The following GRM1 variants were observed in gnomAD, a reference collection of about 807,000 sequenced individuals.
GRM1 encodes the protein metabotropic glutamate receptor 1.
In GRM1, 33 loss-of-function variants were observed where a neutral mutation model predicts 90.9. The observed-to-expected ratio is 0.36, with a 90% CI of 0.28 to 0.49. The LOEUF (loss-of-function observed/expected upper bound fraction) is 0.49. Ranked by LOEUF, GRM1 falls within the 20% of genes least tolerant of loss-of-function variation. The probability of loss-of-function intolerance (pLI) is 0.99; values close to 1 mark genes in which losing one functional copy is unlikely to be tolerated. For synonymous variants in GRM1, 700 were observed against 613.2 expected, an observed-to-expected ratio of 1.14 and a Z score of -2.09; for missense variants, 1,190 against 1,534.3, an observed-to-expected ratio of 0.78 and a Z score of 3.75.
At chr6:146,431,745 T>C (rs1778416691) in intron 7 of GRM1, among the ~76,000 whole-genome samples, 1 of 152,104 alleles carries the variant, frequency 6.6e-6, no homozygotes. Flanking sequence ...TTCATTGCAA[T>C]TTAAAATGAT....
Position 146,434,129 on chromosome 6 carries a change from G to T in GRM1, c.2918G>T (p.Ser973Ile). Residue 973 changes from serine (S) to isoleucine (I), a missense_variant, in exon 8 of 8, where the codon AGC (serine) becomes ATC (isoleucine). Ser to Ile is a moderately radical substitution (Grantham distance 142). Transcript: ENST00000282753. ...CCGATTCGCTTTAGCCCGCCTGGTA[G>T]CCCTTCCATGGTGGTGCACAGGCGC... ...AQPIRFSPPGSPSMVVHRRVP... is the reference protein window; with the variant it reads ...AQPIRFSPPGIPSMVVHRRVP... 2 of 1,614,152 alleles carry T rather than the reference G, an allele frequency of 1.2e-6. No homozygotes were observed. The highest frequency in any genetic ancestry group is 3.3e-5 in the Admixed American group (2 of 60,032).
chr6:146,419,141 T>C (rs576131018), intron 7 of GRM1, among the ~76,000 whole-genome samples: 1 of 152,278 alleles, frequency 6.6e-6, no homozygotes, highest in South Asian at 2.1e-4. Context: ...AGGAAACATA[T>C]GCAAGATTCC....
At chr6:146,360,708 A>G (rs904881550) in intron 5 of GRM1, among the ~76,000 whole-genome samples, 2 of 152,184 alleles carry the variant, frequency 1.3e-5, no homozygotes, top group African/African-American at 4.8e-5. Context: ...ACAGCTGGCA[A>G]GAGATCCTGG....
At chr6:146,165,333 C>T (rs531624473) in intron 2 of GRM1, among the ~76,000 whole-genome samples, 5 of 152,050 alleles carry the variant, frequency 3.3e-5, no homozygotes, top group Non-Finnish European at 7.4e-5. Context: ...TTATATACCA[C>T]GGTGTTATGT....
At chr6:146,380,595 A>C (rs1195644786) in intron 5 of GRM1, among the ~76,000 whole-genome samples, 1 of 152,074 alleles carries the variant, frequency 6.6e-6, no homozygotes, top group East Asian at 1.9e-4. Flanking sequence ...GAGTCAAGCT[A>C]TGGAATCAAG....
chr6:146,105,805 AC>A (rs1213784605), intron 1 of GRM1, among the ~76,000 whole-genome samples: 3 of 152,122 alleles, frequency 2.0e-5, no homozygotes, highest in Admixed American at 6.5e-5. Context: ...ATAACAGGAG[AC>A]CTTTAAGGTA....
At chr6:146,324,600 G>C (rs1784334850) in intron 3 of GRM1, among the ~76,000 whole-genome samples, 1 of 152,164 alleles carries the variant, frequency 6.6e-6, no homozygotes, top group Non-Finnish European at 1.5e-5. Context: ...AAAGACAGCA[G>C]GAAAAGTGTA....
intron 2 of GRM1, among the ~76,000 whole-genome samples, chr6:146,193,950 AT>A (rs572270783): frequency 9.7e-4 from 143 of 147,232 alleles, no homozygotes; most frequent in Non-Finnish European, 1.1e-3. Flanking sequence ...ATACTGCCAG[AT>A]TTTTTTTTTT....
chr6:146,432,122 C>T (rs907689878), intron 7 of GRM1, among the ~76,000 whole-genome samples: 17 of 152,142 alleles, frequency 1.1e-4, no homozygotes, highest in African/African-American at 4.1e-4. Context: ...ACAAGCACTT[C>T]CACAGTCTCA....
In GRM1 at chr6:146,433,888, G is replaced by A; in HGVS notation, c.2677G>A (p.Val893Met). 6.2e-7 allele frequency: 1 copy of A among 1,611,512 alleles called. No individual in the cohort carries two copies. The highest frequency in any genetic ancestry group is 8.5e-7 in the Non-Finnish European group (1 of 1,177,602). The change falls in exon 8 of 8, where the codon GTG (valine) becomes ATG (methionine). Residue 893 changes from valine to methionine, a missense_variant. Physicochemically the swap from Val to Met is conservative, Grantham distance 21. This residue lies in a region of GRM1 where 400 missense variants were observed against 360.8 expected (regional missense o/e 1.11). Transcript: ENST00000282753. ...AGNANSNGKS[V>M]SWSEPGGGQV... ...TATTCATAGTTCTAATGGCAAGTCT[G>A]TGTCATGGTCTGAACCAGGTGGAGG... is the stretch of plus-strand genomic sequence containing the variant.
chr6:146,224,714 A>G (rs557143349), intron 2 of GRM1, among the ~76,000 whole-genome samples: 1 of 152,252 alleles, frequency 6.6e-6, no homozygotes, highest in South Asian at 2.1e-4. Context: ...AGCCTGGTAA[A>G]ATCGAGAGTC....
chr6:146,278,513 C>T (rs1782453552), intron 2 of GRM1, among the ~76,000 whole-genome samples: 1 of 152,202 alleles, frequency 6.6e-6, no homozygotes, highest in Non-Finnish European at 1.5e-5. Flanking sequence ...TGATAGCTCA[C>T]TCCTGTAAAC....
chr6:146,414,105 T>A (rs1266014272), intron 7 of GRM1, among the ~76,000 whole-genome samples: 2 of 152,198 alleles, frequency 1.3e-5, no homozygotes, highest in Non-Finnish European at 2.9e-5. Flanking sequence ...GGTGCATGTT[T>A]AACTTATAAG....
At chr6:146,394,624 A>G (rs151145241) in intron 6 of GRM1, among the ~76,000 whole-genome samples, 1 of 152,254 alleles carries the variant, frequency 6.6e-6, no homozygotes, top group Admixed American at 6.5e-5. Context: ...GAGGGTTGGG[A>G]ATGATGAGGT....
intron 2 of GRM1, among the ~76,000 whole-genome samples, chr6:146,219,829 C>G (rs527582187): frequency 2.1e-4 from 32 of 151,958 alleles, no homozygotes; most frequent in African/African-American, 7.7e-4. Context: ...GTTTATAAAC[C>G]CTTTCCATCT....
intron 1 of GRM1, among the ~76,000 whole-genome samples, chr6:146,133,435 A>G (rs1339861605): frequency 6.6e-6 from 1 of 152,188 alleles, no homozygotes; most frequent in Admixed American, 6.5e-5. Context: ...ACAGGGGAAA[A>G]GATATGGCAT....
chr6:146,230,227 C>T (rs9485058), intron 2 of GRM1, among the ~76,000 whole-genome samples: 33,460 of 151,932 alleles, frequency 0.22, 7,576 homozygotes, highest in African/African-American at 0.58. Flanking sequence ...AATGAGAAAA[C>T]AAGTTATAGG....
intron 3 of GRM1, among the ~76,000 whole-genome samples, chr6:146,327,576 T>C (rs1784437676): frequency 6.6e-6 from 1 of 152,208 alleles, no homozygotes; most frequent in African/African-American, 2.4e-5. Flanking sequence ...CTATTTTCTA[T>C]AGCATCTTTG....
At chr6:146,380,431 G>T (rs924292011) in intron 5 of GRM1, among the ~76,000 whole-genome samples, 1 of 151,560 alleles carries the variant, frequency 6.6e-6, no homozygotes, top group African/African-American at 2.4e-5. Context: ...TGCCACCCCA[G>T]GCCATAAGGA....
Sources: gnomAD v4.1 joint callset for allele counts (sites outside exome capture counted in the v4.1 genomes callset) on GRCh38, gnomAD v4.1.1 for gene constraint, gnomAD v4.1.1 regional missense constraint, MANE v1.5 for transcripts, NCBI Gene and HGNC (gene_info 2026-07-23, HGNC 2026-07-21) for gene names.